ADAMTS12: variants seen among roughly 807,000 people sequenced by gnomAD.
The protein encoded by ADAMTS12 is A disintegrin and metalloproteinase with thrombospondin motifs 12.
Under a neutral mutation model 167.8 loss-of-function variants are expected in ADAMTS12, and 118 were observed. The observed-to-expected ratio is 0.70, with a 90% CI of 0.61 to 0.82. The LOEUF (loss-of-function observed/expected upper bound fraction) is 0.82, where lower values mean the gene tolerates loss of function less well. Ranked by LOEUF, ADAMTS12 falls within the 40% of genes least tolerant of loss-of-function variation. The pLI is 0.00. For synonymous variants in ADAMTS12, 704 were observed against 716.9 expected (o/e 0.98, Z 0.29); for missense variants, 1,916 against 1,998.8 (o/e 0.96, Z 0.79).
In ADAMTS12 at chr5:33,856,943, G is replaced by A. The variant is rs958758089; in HGVS notation, c.489+24176C>T. 1.7e-4 allele frequency among the ~76,000 whole-genome samples: 26 copies of A among 152,302 alleles called. 1 individual carries two copies. Among genetic ancestry groups the A allele is most frequent in the Admixed American group, 7.8e-4 (12 of 15,300 alleles). The stretch of plus-strand genomic sequence containing the variant: ...AAATCACTGTCTTCAAGAGATAGCT[G>A]CAATCTCACGTTTATGGCAGCACTA... On this transcript the variant is annotated intron_variant, in intron 2 of 23. Coordinates refer to ENST00000504830, the MANE Select transcript of ADAMTS12 (RefSeq NM_030955.4).
chr5:33,764,348 A>T (rs890245533), intron 2 of ADAMTS12, among the ~76,000 whole-genome samples: 4 of 152,318 alleles, frequency 2.6e-5, no homozygotes, highest in Admixed American at 2.0e-4. Context: ...TACATAATAT[A>T]TCCTTAGATT....
In ADAMTS12 at chr5:33,576,997, A is replaced by G. The variant is rs140346471; in HGVS notation, c.3029T>C (p.Ile1010Thr). The G allele has an allele frequency of 2.5e-6, 4 of 1,614,176 alleles. No individual in the cohort carries two copies. In the African/African-American group the frequency reaches 5.3e-5, roughly 22 times the overall value. Residue 1010 changes from isoleucine (I) to threonine (T), a missense_variant, in exon 19 of 24, where the codon ATT (isoleucine) becomes ACT (threonine). Ile to Thr is a moderately conservative substitution (Grantham distance 89). Coordinates refer to ENST00000504830, the MANE Select transcript of ADAMTS12 (RefSeq NM_030955.4). ...RRVLKPNKGTISNGKNPPTLK... is the reference protein window; with the variant it reads ...RRVLKPNKGTTSNGKNPPTLK... The stretch of plus-strand genomic sequence containing the variant: ...TGTTGGTGGGTTTTTTCCATTGGAA[A>G]TAGTGCCTTTGTTTGGTTTCAGAAC...
chr5:33,819,813 G>A (rs895947583), intron 2 of ADAMTS12, among the ~76,000 whole-genome samples: 4 of 152,138 alleles, frequency 2.6e-5, no homozygotes, highest in Non-Finnish European at 5.9e-5. Flanking sequence ...AGATGAGAAG[G>A]ACAAAGAGGC....
intron 11 of ADAMTS12, among the ~76,000 whole-genome samples, chr5:33,638,797 T>G (rs1740310718): frequency 6.6e-6 from 1 of 152,214 alleles, no homozygotes; most frequent in South Asian, 2.1e-4. Context: ...AAGTTAATCT[T>G]ATTTTAGAAA....
At chr5:33,711,358 G>C (rs934728924) in intron 3 of ADAMTS12, among the ~76,000 whole-genome samples, 1 of 152,108 alleles carries the variant, frequency 6.6e-6, no homozygotes, top group Admixed American at 6.6e-5. Context: ...AATTTTTACA[G>C]CTGACTGGCT....
rs1276264770 is a variant in ADAMTS12 at position 33,591,524 on chromosome 5, TC to T, written c.2655-2716del. 2.0e-5 allele frequency among the ~76,000 whole-genome samples: 3 copies of T among 152,320 alleles called. No individual in the cohort carries two copies. In the East Asian group the frequency reaches 5.8e-4, roughly 29 times the overall value. ...TCCGATTCAACTAAACATTTCAAAT[TC>T]TGACAAAACCATGACTACAGTATAA... On this transcript the variant is annotated intron_variant, in intron 17 of 23. Transcript: ENST00000504830.
rs191778214 is a variant in ADAMTS12, at chr5:33,624,370, G to A, written c.2023-19C>T. The A allele has an allele frequency of 1.2e-6, 2 of 1,613,698 alleles. No homozygotes were observed. Among genetic ancestry groups the A allele is most frequent in the Admixed American group, 1.7e-5 (1 of 60,002 alleles). ...CAACCATCTGTGGGGAAGAGAGGTG[G>A]AGGATGAATGCCCAGGCAGGGGATG... is the stretch of plus-strand genomic sequence containing the variant. On this transcript the variant is annotated intron_variant, in intron 13 of 23. Transcript: ENST00000504830.
At chr5:33,768,572 A>G (rs1745628676) in intron 2 of ADAMTS12, among the ~76,000 whole-genome samples, 1 of 152,208 alleles carries the variant, frequency 6.6e-6, no homozygotes, top group South Asian at 2.1e-4. Flanking sequence ...TAATGATTGT[A>G]CAGAATATAT....
In ADAMTS12 at chr5:33,809,356, G is replaced by A. The variant is rs141367147; in HGVS notation, c.490-57808C>T. On this transcript the variant is annotated intron_variant, in intron 2 of 23. Coordinates refer to ENST00000504830, the MANE Select transcript of ADAMTS12 (RefSeq NM_030955.4). ...ACTTACTTTCCACTCCTCCCATCCCGCCCCCAAATGCTTTGAAGATATTTT... is the reference window on the plus strand; with the variant it reads ...ACTTACTTTCCACTCCTCCCATCCCACCCCCAAATGCTTTGAAGATATTTT... Among the ~76,000 whole-genome samples, 742 of 152,108 alleles carry A rather than the reference G, an allele frequency of 4.9e-3. 4 individuals are homozygous for A. The highest frequency in any genetic ancestry group is 0.01 in the Middle Eastern group (3 of 294).
intron 3 of ADAMTS12, among the ~76,000 whole-genome samples, chr5:33,736,886 T>C (rs1327681008): frequency 1.3e-5 from 2 of 152,200 alleles, no homozygotes; most frequent in South Asian, 2.1e-4. Flanking sequence ...TCCAGCAAGT[T>C]CTAAACAGAC....
At chr5:33,697,573 T>C (rs1242943239) in intron 3 of ADAMTS12, among the ~76,000 whole-genome samples, 3 of 51,218 alleles carry the variant, frequency 5.9e-5, no homozygotes, top group East Asian at 8.7e-4. Context: ...TTTCCCTTTT[T>C]CTCCTTTTCT....
intron 19 of ADAMTS12, among the ~76,000 whole-genome samples, chr5:33,563,845 A>G (rs971844318): frequency 2.0e-5 from 3 of 152,158 alleles, no homozygotes; most frequent in African/African-American, 7.2e-5. Context: ...AGTACCTTAC[A>G]TATAGTTATT....
chr5:33,796,337 T>C (rs1746775392), intron 2 of ADAMTS12, among the ~76,000 whole-genome samples: 1 of 152,242 alleles, frequency 6.6e-6, no homozygotes, highest in Non-Finnish European at 1.5e-5. Flanking sequence ...CATGGAAGGA[T>C]GCCAAGGTAT....
chr5:33,668,666 T>C (rs115550542), intron 5 of ADAMTS12, among the ~76,000 whole-genome samples: 2,409 of 152,288 alleles, frequency 0.016, 59 homozygotes, highest in African/African-American at 0.056. Context: ...TATTTTTCGG[T>C]AGAGACGGGG....
chr5:33,553,222 C>T (rs1470862920), intron 20 of ADAMTS12, among the ~76,000 whole-genome samples: 1 of 152,092 alleles, frequency 6.6e-6, no homozygotes, highest in African/African-American at 2.4e-5. Context: ...ATAACAGATG[C>T]TGATGAGGTT....
intron 3 of ADAMTS12, among the ~76,000 whole-genome samples, chr5:33,696,947 A>C (rs1049941597): frequency 6.6e-6 from 1 of 152,116 alleles, no homozygotes; most frequent in Non-Finnish European, 1.5e-5. Flanking sequence ...TGGACTATAC[A>C]TTTTAAGCTT....
At chr5:33,750,654 C>T (rs1000978243) in intron 3 of ADAMTS12, among the ~76,000 whole-genome samples, 4 of 152,102 alleles carry the variant, frequency 2.6e-5, no homozygotes, top group Non-Finnish European at 2.9e-5. Context: ...GAAACTGTCC[C>T]GATTCCCAAT....
At chr5:33,687,947 C>A (rs965787795) in intron 3 of ADAMTS12, among the ~76,000 whole-genome samples, 1 of 152,146 alleles carries the variant, frequency 6.6e-6, no homozygotes, top group Non-Finnish European at 1.5e-5. Flanking sequence ...TGTTTAGAGA[C>A]CCCTCTTCTC....
chr5:33,549,170 T>G (rs757435423), intron 21 of ADAMTS12, 37 bp downstream of exon 21: 16 of 1,593,108 alleles, frequency 1.0e-5, no homozygotes, highest in East Asian at 9.0e-5. Context: ...GCTTGCCAGG[T>G]TGTGTGAGGA....
Sources: allele counts gnomAD v4.1 joint callset (sites outside exome capture counted in the v4.1 genomes callset), GRCh38; gene constraint gnomAD v4.1.1; transcripts MANE v1.5; gene names NCBI Gene and HGNC (gene_info 2026-07-23, HGNC 2026-07-21).